The following VWA3B variants were observed in gnomAD, a reference collection of about 807,000 sequenced individuals.
VWA3B encodes the protein von Willebrand factor A domain containing 3B.
In VWA3B, 138 loss-of-function variants were observed where a neutral mutation model predicts 158.3. The ratio of observed to expected loss-of-function variants is 0.87; its 90% CI spans 0.76 to 1.00. VWA3B has a LOEUF of 1.00. Among genes scored for constraint, VWA3B ranks in the 50% least tolerant of loss-of-function variants. VWA3B has a pLI of 0.00. For missense variants in VWA3B, 1,555 were observed against 1,565.1 expected, an observed-to-expected ratio of 0.99 and a Z score of 0.11; for synonymous variants, 596 against 587.3, an observed-to-expected ratio of 1.01 and a Z score of -0.21.
Position 98,093,169 on chromosome 2 carries a change from C to G in VWA3B, c.77C>G (p.Thr26Arg). 6.2e-7 allele frequency: 1 copy of G among 1,614,128 alleles called. No individual in the cohort carries two copies. The highest frequency in any genetic ancestry group is 8.5e-7 in the Non-Finnish European group (1 of 1,180,008). Residue 26 changes from threonine to arginine, a missense_variant, in exon 2 of 28, where the codon ACA becomes AGA. Physicochemically the swap from Thr to Arg is moderately conservative, Grantham distance 71. Coordinates refer to ENST00000477737, the MANE Select transcript of VWA3B (RefSeq NM_144992.5). ...QRQEGWINTK[T>R]DLAEQSLISS... ...CAAGAGGGATGGATTAACACCAAAA[C>G]AGACTTGGCTGAGCAGAGTCTCATT...
At chr2:98,278,672 C>T (rs1193777457) in intron 22 of VWA3B, among the ~76,000 whole-genome samples, 1 of 152,154 alleles carries the variant, frequency 6.6e-6, no homozygotes, top group East Asian at 1.9e-4. Flanking sequence ...TTCTCAACGA[C>T]GTCAGGCTGC....
intron 1 of VWA3B, among the ~76,000 whole-genome samples, chr2:98,087,971 C>G (rs555923822): frequency 6.6e-6 from 1 of 152,294 alleles, no homozygotes; most frequent in Admixed American, 6.5e-5. Flanking sequence ...ATATTGCCTT[C>G]TTGACTATTT....
rs1038853097 is a variant in VWA3B at position 98,224,683 on chromosome 2, A to T, written c.2020-3519A>T. On this transcript the variant is annotated intron_variant, in intron 14 of 27. Coordinates refer to ENST00000477737, the MANE Select transcript of VWA3B (RefSeq NM_144992.5). ...TAAAATACTGGAAGTAAGTGCTAACATGTCAATAATACTTTTTAAATTAAT... is the reference window on the plus strand; with the variant it reads ...TAAAATACTGGAAGTAAGTGCTAACTTGTCAATAATACTTTTTAAATTAAT... 3.9e-5 allele frequency among the ~76,000 whole-genome samples: 6 copies of T among 152,262 alleles called. No homozygotes were observed. In the South Asian group the frequency reaches 1.0e-3, roughly 26 times the overall value.
intron 19 of VWA3B, among the ~76,000 whole-genome samples, chr2:98,248,229 A>G (rs1686524697): frequency 6.6e-6 from 1 of 152,156 alleles, no homozygotes; most frequent in Non-Finnish European, 1.5e-5. Context: ...ATTAATTTAA[A>G]GTCATTGTTA....
chr2:98,207,254 C>G (rs1683102016), intron 12 of VWA3B: 1 of 511,036 alleles, frequency 2.0e-6, no homozygotes, highest in Non-Finnish European at 4.0e-6. Flanking sequence ...TCGACTGCCT[C>G]TGCTACTTCC....
At chr2:98,122,611 A>G (rs1391539981) in intron 5 of VWA3B, among the ~76,000 whole-genome samples, 2 of 152,200 alleles carry the variant, frequency 1.3e-5, no homozygotes, top group Non-Finnish European at 2.9e-5. Context: ...AGCATTCAAA[A>G]AAATGGAACA....
At chr2:98,143,348 C>T (rs1676931705) in intron 7 of VWA3B, among the ~76,000 whole-genome samples, 1 of 152,094 alleles carries the variant, frequency 6.6e-6, no homozygotes, top group Non-Finnish European at 1.5e-5. Context: ...CAAGTTATAT[C>T]AAGTATATTA....
intron 19 of VWA3B, chr2:98,245,507 G>A (rs748585239): frequency 2.9e-5 from 13 of 455,930 alleles, no homozygotes; most frequent in Admixed American, 1.2e-4. Context: ...TGGAGAGGAC[G>A]GAGAGTGGGT....
chr2:98,091,270 G>T (rs1017948477), intron 1 of VWA3B, among the ~76,000 whole-genome samples: 3 of 152,224 alleles, frequency 2.0e-5, no homozygotes, highest in Admixed American at 2.0e-4. Context: ...CTCACTGGCT[G>T]TGGCAGAACC....
At chr2:98,193,174 A>G in intron 11 of VWA3B, 138 bp downstream of exon 11, 1 of 1,159,756 alleles carries the variant, frequency 8.6e-7, no homozygotes, top group South Asian at 1.6e-5. Context: ...TAGTTAAAGA[A>G]TCATCAGTTC....
chr2:98,270,071 T>A (rs1036105138), intron 21 of VWA3B, among the ~76,000 whole-genome samples: 1 of 151,720 alleles, frequency 6.6e-6, no homozygotes. Context: ...ACCTGGGCCA[T>A]CACACCACAC....
intron 13 of VWA3B, among the ~76,000 whole-genome samples, chr2:98,214,221 C>CAAA (rs146956559): frequency 1.2e-4 from 18 of 150,218 alleles, no homozygotes; most frequent in Non-Finnish European, 2.2e-4. Flanking sequence ...AAGCAAAACA[C>CAAA]AAAAAAAACA....
intron 9 of VWA3B, among the ~76,000 whole-genome samples, chr2:98,181,766 C>T (rs957658589): frequency 2.0e-5 from 3 of 152,180 alleles, no homozygotes; most frequent in Admixed American, 2.0e-4. Flanking sequence ...ACTCTGGCTC[C>T]CAATGAAGGA....
intron 21 of VWA3B, among the ~76,000 whole-genome samples, chr2:98,267,382 A>G (rs968533380): frequency 6.6e-6 from 1 of 152,146 alleles, no homozygotes; most frequent in Non-Finnish European, 1.5e-5. Flanking sequence ...CCAGCCTTGC[A>G]TCTCACTCAA....
intron 4 of VWA3B, 81 bp from the exon 5 acceptor site, chr2:98,121,218 G>A: frequency 2.0e-6 from 3 of 1,526,352 alleles, no homozygotes; most frequent in Non-Finnish European, 2.7e-6. Context: ...GCAGCTTGCT[G>A]CTCATGGCTG....
chr2:98,225,560 G>A (rs886588168), intron 14 of VWA3B, among the ~76,000 whole-genome samples: 8 of 152,076 alleles, frequency 5.3e-5, no homozygotes, highest in Non-Finnish European at 7.4e-5. Flanking sequence ...TATTCTCACC[G>A]CTGTGATTCA....
chr2:98,136,077 T>C (rs1246842472), intron 7 of VWA3B, among the ~76,000 whole-genome samples: 1 of 152,198 alleles, frequency 6.6e-6, no homozygotes, highest in East Asian at 1.9e-4. Context: ...AGAGGACTTT[T>C]CTGGCAATGT....
intron 17 of VWA3B, among the ~76,000 whole-genome samples, chr2:98,235,994 T>C (rs1438891476): frequency 1.3e-5 from 2 of 152,248 alleles, no homozygotes; most frequent in Admixed American, 6.5e-5. Flanking sequence ...TACAGAAAGC[T>C]GAAGAACCAC....
At chr2:98,275,575 T>TA (rs1158674922) in intron 22 of VWA3B, among the ~76,000 whole-genome samples, 1 of 152,064 alleles carries the variant, frequency 6.6e-6, no homozygotes, top group Non-Finnish European at 1.5e-5. Context: ...TGACTTCAAA[T>TA]AAAAAAATCA....
Sources: allele counts gnomAD v4.1 joint callset (sites outside exome capture counted in the v4.1 genomes callset), GRCh38; gene constraint gnomAD v4.1.1; transcripts MANE v1.5; gene names NCBI Gene and HGNC (gene_info 2026-07-23, HGNC 2026-07-21).